CNTNAP2: variants seen among roughly 807,000 people sequenced by gnomAD.
CNTNAP2 encodes the protein contactin associated protein 2, also known as contactin-associated protein-like 2.
In CNTNAP2, 98 loss-of-function variants were observed where a neutral mutation model predicts 155.2. The observed-to-expected ratio is 0.63, with a 90% CI of 0.54 to 0.75. The LOEUF (loss-of-function observed/expected upper bound fraction) is 0.75, where lower values mean the gene tolerates loss of function less well. CNTNAP2 is among the 30% of genes least tolerant of loss of function. The pLI is 0.00. For missense variants in CNTNAP2, 1,727 were observed against 1,688.1 expected, an observed-to-expected ratio of 1.02 and a Z score of -0.40; for synonymous variants, 651 against 631.2, an observed-to-expected ratio of 1.03 and a Z score of -0.47.
chr7:147,033,813 A>C (rs994368042), intron 3 of CNTNAP2, among the ~76,000 whole-genome samples: 8 of 151,846 alleles, frequency 5.3e-5, no homozygotes, highest in South Asian at 2.1e-4. Context: ...AAAAAAAAAA[A>C]ACACAGGATG....
chr7:146,135,956 T>C (rs1416247164), intron 1 of CNTNAP2, among the ~76,000 whole-genome samples: 2 of 152,168 alleles, frequency 1.3e-5, no homozygotes, highest in Non-Finnish European at 2.9e-5. Flanking sequence ...ATAGTCTGTG[T>C]GTGCATACTC....
At chr7:148,195,954 G>A (rs148335274) in intron 18 of CNTNAP2, among the ~76,000 whole-genome samples, 3 of 152,240 alleles carry the variant, frequency 2.0e-5, no homozygotes, top group African/African-American at 7.2e-5. Flanking sequence ...CTACTGACCT[G>A]CAAAATGTTA....
intron 8 of CNTNAP2, among the ~76,000 whole-genome samples, chr7:147,287,885 T>G (rs1455715687): frequency 6.6e-6 from 1 of 152,140 alleles, no homozygotes; most frequent in African/African-American, 2.4e-5. Flanking sequence ...ATTTCTCCAG[T>G]GCTAACCTCC....
Position 148,054,992 on chromosome 7 carries a change from C to T in CNTNAP2, c.2384-63126C>T, listed in dbSNP as rs796803827. Among the ~76,000 whole-genome samples, 6 of 151,794 alleles carry T rather than the reference C, an allele frequency of 4.0e-5. 1 individual carries two copies. Among genetic ancestry groups the T allele is most frequent in the African/African-American group, 1.2e-4 (5 of 41,390 alleles). On this transcript the variant is annotated intron_variant, in intron 15 of 23. Transcript: ENST00000361727. ...CTTCCTCCCTGGTTCAAGCGATTCTCCTGCCTCAGCCTCCCAAGTAGCTGG... is the reference window on the plus strand; with the variant it reads ...CTTCCTCCCTGGTTCAAGCGATTCTTCTGCCTCAGCCTCCCAAGTAGCTGG...
At chr7:147,176,000 G>A (rs1256862466) in intron 8 of CNTNAP2, among the ~76,000 whole-genome samples, 1 of 152,166 alleles carries the variant, frequency 6.6e-6, no homozygotes, top group Non-Finnish European at 1.5e-5. Flanking sequence ...CTGGAGTAAA[G>A]AAGGACATTT....
intron 15 of CNTNAP2, among the ~76,000 whole-genome samples, chr7:148,068,800 A>G (rs1373778004): frequency 6.6e-6 from 1 of 152,206 alleles, no homozygotes; most frequent in Non-Finnish European, 1.5e-5. Flanking sequence ...TTGTTCCCTC[A>G]GCTCCTTTCA....
At chr7:147,245,750 A>C (rs1041382344) in intron 8 of CNTNAP2, among the ~76,000 whole-genome samples, 1 of 115,514 alleles carries the variant, frequency 8.7e-6, no homozygotes, top group Non-Finnish European at 1.7e-5. Context: ...CAAAAGAGTA[A>C]GACTCTGTCT....
In CNTNAP2 at chr7:147,446,594, C is replaced by T. The variant is rs536136654; in HGVS notation, c.1671-39341C>T. Among the ~76,000 whole-genome samples, 6 of 152,292 alleles carry T rather than the reference C, an allele frequency of 3.9e-5. No individual in the cohort carries two copies. In the South Asian group the frequency reaches 8.3e-4, roughly 21 times the overall value. On this transcript the variant is annotated intron_variant, in intron 10 of 23. Transcript: ENST00000361727. ...CTGCGAGAGGACCTAACTGTTGTAT[C>T]TTCCTTACAATTAGAAGAGACACAA...
At chr7:147,655,677 C>G (rs1795516567) in intron 13 of CNTNAP2, among the ~76,000 whole-genome samples, 2 of 152,260 alleles carry the variant, frequency 1.3e-5, no homozygotes, top group South Asian at 4.1e-4. Context: ...GTGCTGTCCT[C>G]CAAGCTTTGT....
intron 8 of CNTNAP2, among the ~76,000 whole-genome samples, chr7:147,154,783 A>G (rs1317255775): frequency 6.6e-6 from 1 of 152,146 alleles, no homozygotes; most frequent in African/African-American, 2.4e-5. Flanking sequence ...ACTACTAATC[A>G]TTGAATGTTT....
chr7:147,528,902 G>A (rs1053451513), intron 11 of CNTNAP2, among the ~76,000 whole-genome samples: 21 of 152,290 alleles, frequency 1.4e-4, no homozygotes, highest in Admixed American at 1.2e-3. Flanking sequence ...CAGTAGATGA[G>A]CTCAGAACAT....
intron 1 of CNTNAP2, among the ~76,000 whole-genome samples, chr7:146,468,409 C>T (rs558808229): frequency 1.3e-5 from 2 of 149,148 alleles, no homozygotes; most frequent in South Asian, 2.1e-4. Flanking sequence ...CAAATCTGCA[C>T]ATGTGCCACC....
intron 3 of CNTNAP2, among the ~76,000 whole-genome samples, chr7:146,972,729 A>T (rs1040806533): frequency 1.3e-5 from 2 of 152,222 alleles, no homozygotes; most frequent in Non-Finnish European, 2.9e-5. Flanking sequence ...GTTCTGCAGC[A>T]TTCAAAAGGC....
At chr7:146,455,240 A>G (rs116199653) in intron 1 of CNTNAP2, among the ~76,000 whole-genome samples, 1 of 152,336 alleles carries the variant, frequency 6.6e-6, no homozygotes, top group African/African-American at 2.4e-5. Flanking sequence ...CTCTATAAGG[A>G]CATACAAAAG....
At chr7:148,336,442 T>TA (rs55690485) in intron 21 of CNTNAP2, among the ~76,000 whole-genome samples, 147,110 of 148,820 alleles carry the variant, frequency 0.99, 72,719 homozygotes, top group East Asian at 1. Context: ...GATGGTCTTT[T>TA]AAAAAAAAAA....
intron 21 of CNTNAP2, among the ~76,000 whole-genome samples, chr7:148,341,418 A>G (rs1188649249): frequency 6.6e-6 from 1 of 152,208 alleles, no homozygotes; most frequent in African/African-American, 2.4e-5. Flanking sequence ...AATAGAACCA[A>G]TAATAGCAAC....
At chr7:147,194,220 T>TG (rs772574973) in intron 8 of CNTNAP2, among the ~76,000 whole-genome samples, 3 of 152,166 alleles carry the variant, frequency 2.0e-5, no homozygotes, top group Non-Finnish European at 2.9e-5. Flanking sequence ...CTGAGAATGA[T>TG]GGCTTCCAGC....
intron 3 of CNTNAP2, among the ~76,000 whole-genome samples, chr7:146,893,467 A>G (rs12538822): frequency 0.4 from 55,638 of 139,642 alleles, 12,000 homozygotes; most frequent in East Asian, 0.65. Context: ...GTGTATATAT[A>G]TACATACATA....
At chr7:147,713,573 A>T (rs139400470) in intron 13 of CNTNAP2, among the ~76,000 whole-genome samples, 1 of 152,154 alleles carries the variant, frequency 6.6e-6, no homozygotes, top group Non-Finnish European at 1.5e-5. Flanking sequence ...GTAATTTCCA[A>T]TGTGGGACCA....
Sources: gnomAD v4.1 joint callset for allele counts (sites outside exome capture counted in the v4.1 genomes callset) on GRCh38, gnomAD v4.1.1 for gene constraint, MANE v1.5 for transcripts, NCBI Gene and HGNC (gene_info 2026-07-23, HGNC 2026-07-21) for gene names.